PTCD3: variants seen among roughly 807,000 people sequenced by gnomAD.
PTCD3 encodes the protein pentatricopeptide repeat domain 3.
A neutral mutation model predicts 101.9 loss-of-function variants in PTCD3; 89 were observed. The ratio of observed to expected loss-of-function variants is 0.87; its 90% confidence interval spans 0.74 to 1.04. PTCD3 has a LOEUF of 1.04. Ranked by LOEUF, PTCD3 falls within the 50% of genes least tolerant of loss-of-function variation. The probability of loss-of-function intolerance (pLI) is 0.00; values close to 1 mark genes in which losing one functional copy is unlikely to be tolerated. For missense variants in PTCD3, 870 were observed against 828.2 expected, an observed-to-expected ratio of 1.05 and a Z score of -0.62; for synonymous variants, 296 against 278.5, an observed-to-expected ratio of 1.06 and a Z score of -0.63.
At chr2:86,118,299 T>C (rs1395294399) in intron 6 of PTCD3, among the ~76,000 whole-genome samples, 3 of 152,192 alleles carry the variant, frequency 2.0e-5, no homozygotes, top group Admixed American at 6.5e-5. Context: ...GTATTGTGCT[T>C]AGTGCTTGTC....
chr2:86,112,700 A>T (rs1674112256), intron 4 of PTCD3, among the ~76,000 whole-genome samples: 1 of 151,828 alleles, frequency 6.6e-6, no homozygotes, highest in South Asian at 2.1e-4. Flanking sequence ...AAAAAAAAAA[A>T]AAAATTTAAA....
chr2:86,108,550 C>G lies in PTCD3; in HGVS notation c.194+14C>G. The stretch of plus-strand genomic sequence containing the variant: ...AAAGAAAACTTGGTAAGTATTCTAT[C>G]AGTGTTCATTCAGCAAATGGTTGAG... On this transcript the variant is annotated intron_variant, in intron 3 of 23. Coordinates refer to ENST00000254630, the MANE Select transcript of PTCD3 (RefSeq NM_017952.6). 6.3e-7 allele frequency: 1 copy of G among 1,588,874 alleles called. No individual in the cohort carries two copies. The highest frequency in any genetic ancestry group is 8.5e-7 in the Non-Finnish European group (1 of 1,170,746).
intron 10 of PTCD3, 142 bp from the exon 11 acceptor site, chr2:86,125,313 C>A: frequency 9.3e-7 from 1 of 1,070,680 alleles, no homozygotes; most frequent in Non-Finnish European, 1.4e-6. Context: ...GATAGAAAAT[C>A]CCACTGCACT....
chr2:86,133,479 T>C (rs757205219), intron 19 of PTCD3, 43 bp downstream of exon 19: 1 of 1,497,924 alleles, frequency 6.7e-7, no homozygotes, highest in African/African-American at 1.4e-5. Flanking sequence ...CTCACCTCAA[T>C]ATCCTCTACT....
chr2:86,119,033 T>G lies in PTCD3; in HGVS notation c.527T>G (p.Leu176Arg). The change falls in exon 7 of 24, where the codon CTT becomes CGT. Residue 176 changes from leucine (L) to arginine (R), a missense_variant. Leu to Arg is a moderately radical substitution (Grantham distance 102, BLOSUM62 -2). Coordinates refer to ENST00000254630, the MANE Select transcript of PTCD3 (RefSeq NM_017952.6). ...VKASVDMFDQLLQAGTTVSLE... is the reference protein window; with the variant it reads ...VKASVDMFDQRLQAGTTVSLE... The stretch of plus-strand genomic sequence containing the variant: ...GCCTCTGTGGACATGTTTGATCAGC[T>G]TTTGCAAGCAGGTGACTGAGTTCGA... The G allele has an allele frequency of 6.2e-7, 1 of 1,613,660 alleles. No homozygotes were observed. Among genetic ancestry groups the G allele is most frequent in the Non-Finnish European group, 8.5e-7 (1 of 1,179,924 alleles).
Position 86,121,595 on chromosome 2 carries a change from G to A in PTCD3, c.654+1G>A. ...ACAAACTGGACAGTCAGAAGCATTGGTAATAACTGTTGGCCTTGATTTTTT... is the reference window on the plus strand; with the variant it reads ...ACAAACTGGACAGTCAGAAGCATTGATAATAACTGTTGGCCTTGATTTTTT... On this transcript the variant is annotated splice_donor_variant, in intron 8 of 23. Transcript: ENST00000254630. LOFTEE classifies it high-confidence loss of function. The A allele has an allele frequency of 6.4e-7, 1 of 1,566,564 alleles. No individual in the cohort carries two copies. Among genetic ancestry groups the A allele is most frequent in the Non-Finnish European group, 8.7e-7 (1 of 1,154,966 alleles).
intron 1 of PTCD3, among the ~76,000 whole-genome samples, chr2:86,106,602 C>T (rs193024216): frequency 6.6e-6 from 1 of 152,286 alleles, no homozygotes; most frequent in Admixed American, 6.5e-5. Flanking sequence ...AAGCTAGGAC[C>T]CTGCTCTCAT....
chr2:86,116,740 C>A, intron 5 of PTCD3, 142 bp downstream of exon 5: 1 of 691,038 alleles, frequency 1.4e-6, no homozygotes, highest in South Asian at 1.9e-5. Context: ...TTACTACTTT[C>A]TTCAAAAAGA....
chr2:86,110,218 A>T (rs1674050701), intron 3 of PTCD3, among the ~76,000 whole-genome samples: 1 of 152,256 alleles, frequency 6.6e-6, no homozygotes, highest in African/African-American at 2.4e-5. Context: ...ATGCTGACAG[A>T]TGAGAGAATG....
chr2:86,131,132 G>A (rs1558799551), intron 16 of PTCD3, 26 bp downstream of exon 16: 5 of 1,557,532 alleles, frequency 3.2e-6, no homozygotes, highest in Non-Finnish European at 4.4e-6. Flanking sequence ...TTATTAATTT[G>A]CTATCCATTT....
chr2:86,111,119 A>G lies in PTCD3; in HGVS notation c.201A>G (p.Lys67=), dbSNP rs748058772. Reference sequence around the variant, plus strand: ...TTGTGGTTCTTATTTTTAGGGATAAAGTAGCCGTTCTTCAGGCACTTGCAT... The same window carrying G: ...TTGTGGTTCTTATTTTTAGGGATAAGGTAGCCGTTCTTCAGGCACTTGCAT... ...VVIPKKKTWD[K]VAVLQALAST... is the part of the protein sequence containing the mutation. The change falls in exon 4 of 24, where the codon AAA becomes AAG. Residue 67 remains lysine (K), a synonymous_variant. Transcript: ENST00000254630. 2 of 1,613,628 alleles carry G rather than the reference A, an allele frequency of 1.2e-6. No individual in the cohort carries two copies. The highest frequency in any genetic ancestry group is 2.2e-5 in the South Asian group (2 of 91,064).
intron 3 of PTCD3, 74 bp from the exon 4 acceptor site, chr2:86,111,037 TGA>T: frequency 7.6e-7 from 1 of 1,319,014 alleles, no homozygotes; most frequent in South Asian, 1.2e-5. Context: ...GCCAGTACAC[TGA>T]GAGTAGAATC....
At chr2:86,106,419 G>A in intron 1 of PTCD3, 68 bp downstream of exon 1, 2 of 1,498,860 alleles carry the variant, frequency 1.3e-6, no homozygotes, top group Admixed American at 1.9e-5. Flanking sequence ...TTCCCAGCTG[G>A]CTGTGGAAGT....
In PTCD3 at chr2:86,138,723, G is replaced by A. The variant is rs1260457811; in HGVS notation, c.*1164G>A. 6.6e-6 allele frequency: 1 copy of A among 150,434 alleles called. No homozygotes were observed. The highest frequency in any genetic ancestry group is 1.5e-5 in the Non-Finnish European group (1 of 67,894). The allele number at this position is 150,434 out of a possible 1,614,324, so 9.3% of individuals were successfully genotyped here. On this transcript the variant is annotated 3_prime_UTR_variant, in exon 24 of 24. Coordinates refer to ENST00000254630, the MANE Select transcript of PTCD3 (RefSeq NM_017952.6). ...AGTAGCTAGCTACTTAAGCATCCAT[G>A]GGTATTGCTCCATATCAAAGCAGAT...
intron 16 of PTCD3, 92 bp downstream of exon 16, chr2:86,131,198 T>G: frequency 1.0e-6 from 1 of 957,964 alleles, no homozygotes; most frequent in Non-Finnish European, 1.6e-6. Flanking sequence ...TTTCTAACTC[T>G]TCTGTTCATG....
intron 1 of PTCD3, among the ~76,000 whole-genome samples, chr2:86,106,626 C>A (rs1280901382): frequency 6.6e-6 from 1 of 152,186 alleles, no homozygotes; most frequent in East Asian, 1.9e-4. Context: ...GCTTGCGTTC[C>A]AGTGAGTGTG....
chr2:86,135,088 C>T (rs1319222865), intron 21 of PTCD3, 101 bp downstream of exon 21: 16 of 1,332,212 alleles, frequency 1.2e-5, no homozygotes, highest in African/African-American at 1.2e-4. Flanking sequence ...CCACATAACA[C>T]GTATTTGATT....
At chr2:86,118,876 C>T (rs756655926) in intron 6 of PTCD3, 45 bp from the exon 7 acceptor site, 1 of 1,584,532 alleles carries the variant, frequency 6.3e-7, no homozygotes, top group South Asian at 1.1e-5. Flanking sequence ...ATCCTTCCCT[C>T]ACCTTTACCT....
chr2:86,113,622 A>G (rs1326870384), intron 4 of PTCD3, among the ~76,000 whole-genome samples: 1 of 152,138 alleles, frequency 6.6e-6, no homozygotes, highest in Non-Finnish European at 1.5e-5. Context: ...TCTGGGCAAC[A>G]TGGTGAAACC....
Sources: gnomAD v4.1 joint callset for allele counts (sites outside exome capture counted in the v4.1 genomes callset) on GRCh38, gnomAD v4.1.1 for gene constraint, MANE v1.5 for transcripts, NCBI Gene and HGNC (gene_info 2026-07-23, HGNC 2026-07-21) for gene names.